Variants in EPHB2 observed in about 807,000 individuals in gnomAD.
EPHB2 encodes the protein EPH receptor B2.
EPHB2 carries 18 observed loss-of-function variants against 96.4 expected under a neutral mutation model. The observed-to-expected ratio is 0.19, with a 90% CI of 0.13 to 0.28. EPHB2 has a LOEUF of 0.28. Among genes scored for constraint, EPHB2 ranks in the 10% least tolerant of loss-of-function variants. EPHB2 has a pLI of 1.00. For missense variants in EPHB2, 989 were observed against 1,355.4 expected (o/e 0.73, Z 4.25); for synonymous variants, 506 against 534.1 (o/e 0.95, Z 0.72).
intron 1 of EPHB2, among the ~76,000 whole-genome samples, chr1:22,768,130 G>A (rs1644331385): frequency 6.6e-6 from 1 of 152,188 alleles, no homozygotes; most frequent in South Asian, 2.1e-4. Context: ...CAGGCATTCT[G>A]GAAACGTCTC....
rs976839110 is a variant in EPHB2 at position 22,914,368 on chromosome 1, T to C, written c.*798T>C. The C allele has an allele frequency of 6.2e-6, 1 of 160,760 alleles. No individual in the cohort carries two copies. The highest frequency in any genetic ancestry group is 1.4e-5 in the Non-Finnish European group (1 of 72,528). The allele number at this position is 160,760 out of a possible 1,614,324, so 10.0% of individuals were successfully genotyped here. ...GCAGCCTGGCCCTCCTGGTGCCCAC[T>C]CCCGCCAGCCCCTGCCTCGAGGACT... On this transcript the variant is annotated 3_prime_UTR_variant, in exon 16 of 16. Transcript: ENST00000374630.
At chr1:22,886,620 CTTTTTT>C (rs869229952) in intron 6 of EPHB2, among the ~76,000 whole-genome samples, 1 of 96,170 alleles carries the variant, frequency 1.0e-5, no homozygotes, top group Non-Finnish European at 2.1e-5. Flanking sequence ...CCAGCAGAGT[CTTTTTT>C]TTTTTTTTTT....
intron 3 of EPHB2, among the ~76,000 whole-genome samples, chr1:22,829,742 C>A (rs760505187): frequency 6.6e-6 from 1 of 152,024 alleles, no homozygotes; most frequent in Non-Finnish European, 1.5e-5. Flanking sequence ...CAGGGCATCA[C>A]GGAGGGCTTC....
intron 1 of EPHB2, among the ~76,000 whole-genome samples, chr1:22,763,195 T>G (rs903858083): frequency 1.3e-5 from 2 of 152,208 alleles, no homozygotes; most frequent in Admixed American, 1.3e-4. Context: ...TCCTGCGGGA[T>G]GGCCTTGGGC....
At chr1:22,865,778 C>CCCAGAG (rs1165077698) in intron 5 of EPHB2, among the ~76,000 whole-genome samples, 1 of 152,162 alleles carries the variant, frequency 6.6e-6, no homozygotes, top group East Asian at 1.9e-4. Flanking sequence ...CCCAGGAGAG[C>CCCAGAG]CCAGAGATGT....
intron 6 of EPHB2, among the ~76,000 whole-genome samples, chr1:22,889,747 CAG>C (rs564021564): frequency 7.6e-4 from 115 of 152,220 alleles, no homozygotes; most frequent in African/African-American, 2.5e-3. Context: ...GTATTTCAGA[CAG>C]GGGCAACAGT....
At chr1:22,778,006 G>A (rs560065418) in intron 1 of EPHB2, among the ~76,000 whole-genome samples, 6 of 109,304 alleles carry the variant, frequency 5.5e-5, no homozygotes, top group African/African-American at 1.2e-4. Context: ...ATAAAGGTCC[G>A]TTTGTTTGTT....
intron 1 of EPHB2, among the ~76,000 whole-genome samples, chr1:22,725,379 C>A (rs1322340613): frequency 6.6e-6 from 1 of 151,944 alleles, no homozygotes; most frequent in African/African-American, 2.4e-5. Context: ...AGATAGGTAA[C>A]AGGTTGGTTT....
At chr1:22,847,601 A>C (rs1044381549) in intron 3 of EPHB2, among the ~76,000 whole-genome samples, 1 of 152,204 alleles carries the variant, frequency 6.6e-6, no homozygotes, top group Non-Finnish European at 1.5e-5. Context: ...TGAGGGGCCC[A>C]GGGCCCAGGC....
At chr1:22,793,083 C>T (rs190736797) in intron 3 of EPHB2, among the ~76,000 whole-genome samples, 4 of 152,262 alleles carry the variant, frequency 2.6e-5, no homozygotes, top group Non-Finnish European at 2.9e-5. Flanking sequence ...TCACCTCAGT[C>T]CTCTCTCCTC....
rs148080778 is a variant in EPHB2 at position 22,753,971 on chromosome 1, G to C, written c.62-27450G>C. Among the ~76,000 whole-genome samples the C allele has an allele frequency of 2.6e-5, 4 of 152,292 alleles. No individual in the cohort carries two copies. In the East Asian group the frequency reaches 5.8e-4, roughly 22 times the overall value. ...TTCACCAAAAGACAGGAAGGCCTTA[G>C]AGCCTGCAACTCAACCTTAGCTTCA... On this transcript the variant is annotated intron_variant, in intron 1 of 15. Coordinates refer to ENST00000374630, the MANE Select transcript of EPHB2 (RefSeq NM_017449.5).
At position 22,784,556 on chromosome 1, in the gene EPHB2, C is replaced by T. The variant is rs1289262609; in HGVS notation, c.291C>T (p.Cys97=). 6.2e-7 allele frequency: 1 copy of T among 1,614,058 alleles called. No individual in the cohort carries two copies. Among genetic ancestry groups the T allele is most frequent in the Non-Finnish European group, 8.5e-7 (1 of 1,180,028 alleles). Residue 97 remains cysteine (C), a synonymous_variant, in exon 3 of 16, where the codon TGC becomes TGT. Coordinates refer to ENST00000374630, the MANE Select transcript of EPHB2 (RefSeq NM_017449.5). The surrounding 1 kb of genome is among the most constrained non-coding windows in gnomAD (Gnocchi z 5.1). ...HVEMKFSVRD[C]SSIPSVPGSC... ...AGATGAAGTTTTCGGTGCGTGACTG[C>T]AGCAGCATCCCCAGCGTGCCTGGCT... is the stretch of plus-strand genomic sequence containing the variant.
intron 1 of EPHB2, among the ~76,000 whole-genome samples, chr1:22,755,973 G>A (rs574270789): frequency 3.3e-5 from 5 of 152,092 alleles, no homozygotes; most frequent in Admixed American, 6.5e-5. Flanking sequence ...TGTCATTGAC[G>A]AACCCAGGGT....
Position 22,757,908 on chromosome 1 carries a change from C to CTTTTT in EPHB2, c.62-23489_62-23485dup, listed in dbSNP as rs1224799943. Among the ~76,000 whole-genome samples the CTTTTT allele has an allele frequency of 2.8e-4, 15 of 54,154 alleles. 1 individual carries two copies. The highest frequency in any genetic ancestry group is 1.1e-3 in the African/African-American group (15 of 13,706). 35.5% of individuals were successfully genotyped at this position (54,154 alleles called of 152,430 possible). On this transcript the variant is annotated intron_variant, in intron 1 of 15. Transcript: ENST00000374630. ...CCATGCTCACTATGTGTAAGCTATG[C>CTTTTT]TTTTTTTTTTTTTTTTTTTTTTTTT...
rs550690510 is a variant in EPHB2, at chr1:22,733,079, G to C, written c.61+22036G>C. ...TTTCTTTCTTTTTTTTTGGAGTTTC[G>C]CTCTTGTCGCCCAGACTGGAATGCA... On this transcript the variant is annotated intron_variant, in intron 1 of 15. Coordinates refer to ENST00000374630, the MANE Select transcript of EPHB2 (RefSeq NM_017449.5). The surrounding 1 kb of genome is among the most constrained non-coding windows in gnomAD (Gnocchi z 4.6). Among the ~76,000 whole-genome samples, 3 of 150,760 alleles carry C rather than the reference G, an allele frequency of 2.0e-5. No homozygotes were observed. The highest frequency in any genetic ancestry group is 4.4e-5 in the Non-Finnish European group (3 of 67,828).
intron 3 of EPHB2, among the ~76,000 whole-genome samples, chr1:22,838,968 A>G (rs1008410273): frequency 2.0e-5 from 3 of 151,972 alleles, no homozygotes; most frequent in African/African-American, 7.2e-5. Context: ...AAAAAGAAAA[A>G]AAGAAAAATC....
intron 7 of EPHB2, among the ~76,000 whole-genome samples, chr1:22,894,066 C>T (rs1276598535): frequency 6.6e-6 from 1 of 152,236 alleles, no homozygotes; most frequent in East Asian, 1.9e-4. Flanking sequence ...TCTCTTCCAG[C>T]ACTCACCTCC....
intron 3 of EPHB2, among the ~76,000 whole-genome samples, chr1:22,822,274 G>A (rs1645162323): frequency 6.6e-6 from 1 of 152,036 alleles, no homozygotes; most frequent in Non-Finnish European, 1.5e-5. Flanking sequence ...CTTGAGGCCA[G>A]GAGTTTGAGA....
chr1:22,724,305 C>T lies in EPHB2; in HGVS notation c.61+13262C>T, dbSNP rs545660299. Among the ~76,000 whole-genome samples, 184 of 152,226 alleles carry T rather than the reference C, an allele frequency of 1.2e-3. No individual in the cohort carries two copies. The Middle Eastern group carries it at 0.014, about 11-fold the overall frequency. On this transcript the variant is annotated intron_variant, in intron 1 of 15. Transcript: ENST00000374630. ...TTCTGAACCATTTGTACATAATTTGCATACATGGACAGAGAACTAACATTT... is the reference window on the plus strand; with the variant it reads ...TTCTGAACCATTTGTACATAATTTGTATACATGGACAGAGAACTAACATTT...
Sources: gnomAD v4.1 joint callset for allele counts (sites outside exome capture counted in the v4.1 genomes callset) on GRCh38, gnomAD v4.1.1 for gene constraint, Gnocchi (gnomAD v3.1) non-coding constraint, MANE v1.5 for transcripts, NCBI Gene and HGNC (gene_info 2026-07-23, HGNC 2026-07-21) for gene names.